The following TRDN variants were observed in gnomAD, a reference collection of about 807,000 sequenced individuals.
The protein encoded by TRDN is triadin in skeletal muscle.
A neutral mutation model predicts 149.7 loss-of-function variants in TRDN; 161 were observed. The observed-to-expected ratio is 1.08, with a 90% CI of 0.95 to 1.23. The LOEUF is 1.23. Among genes scored for constraint, TRDN ranks in the 50% most tolerant of loss-of-function variants. TRDN has a pLI of 0.00. For missense variants in TRDN, 896 were observed against 823.5 expected (o/e 1.09, Z -1.08); for synonymous variants, 294 against 250.5 (o/e 1.17, Z -1.64).
At position 123,557,351 on chromosome 6, in the gene TRDN, C is replaced by A. The variant is rs183962115; in HGVS notation, c.233-8739G>T. On this transcript the variant is annotated intron_variant, in intron 2 of 40. Transcript: ENST00000334268. ...TCTTTGCTCTGTGACAAAGATCCACCTGCAACCTCTGGTCCTCAGACTAAC... is the reference window on the plus strand; with the variant it reads ...TCTTTGCTCTGTGACAAAGATCCACATGCAACCTCTGGTCCTCAGACTAAC... 1.7e-4 allele frequency among the ~76,000 whole-genome samples: 26 copies of A among 152,230 alleles called. No homozygotes were observed. In the East Asian group the frequency reaches 4.8e-3, roughly 28 times the overall value.
intron 12 of TRDN, among the ~76,000 whole-genome samples, chr6:123,436,870 A>T (rs1418343153): frequency 2.0e-5 from 3 of 152,134 alleles, no homozygotes; most frequent in Non-Finnish European, 4.4e-5. Flanking sequence ...GCCCTAGAAG[A>T]TCTGCATTTT....
At chr6:123,577,327 T>G (rs1217695021) in intron 1 of TRDN, among the ~76,000 whole-genome samples, 2 of 152,098 alleles carry the variant, frequency 1.3e-5, no homozygotes, top group African/African-American at 4.8e-5. Flanking sequence ...GGCCCCAGTG[T>G]CTGTTGTTCC....
chr6:123,608,892 G>C (rs1171843313), intron 1 of TRDN, among the ~76,000 whole-genome samples: 1 of 152,016 alleles, frequency 6.6e-6, no homozygotes, highest in Non-Finnish European at 1.5e-5. Context: ...ATGGAAGCAG[G>C]CTGGGCTCGG....
chr6:123,269,915 T>C (rs1777150085), intron 30 of TRDN, 49 bp from the exon 31 acceptor site: 4 of 1,569,292 alleles, frequency 2.5e-6, no homozygotes, highest in East Asian at 4.6e-5. Context: ...GTACAAACCA[T>C]GGAAAAAATA....
Position 123,587,219 on chromosome 6 carries a change from C to T in TRDN, c.23-16087G>A, listed in dbSNP as rs112312514. ...CTGCGTGGTCTGACACCTCTGAAACCTGGACGAATAATCAGAGAGGTGTCC... is the reference window on the plus strand; with the variant it reads ...CTGCGTGGTCTGACACCTCTGAAACTTGGACGAATAATCAGAGAGGTGTCC... On this transcript the variant is annotated intron_variant, in intron 1 of 40. Coordinates refer to ENST00000334268, the MANE Select transcript of TRDN (RefSeq NM_006073.4). Among the ~76,000 whole-genome samples, 673 of 152,268 alleles carry T rather than the reference C, an allele frequency of 4.4e-3. 2 individuals are homozygous for T. Among genetic ancestry groups the T allele is most frequent in the African/African-American group, 0.015 (604 of 41,566 alleles).
intron 13 of TRDN, among the ~76,000 whole-genome samples, chr6:123,390,259 A>C (rs1011199424): frequency 6.6e-6 from 1 of 152,166 alleles, no homozygotes; most frequent in Non-Finnish European, 1.5e-5. Context: ...GTTTCTTACA[A>C]ATTCTACAGA....
chr6:123,227,481 G>A lies in TRDN; in HGVS notation c.1976-3350C>T, dbSNP rs577196380. Among the ~76,000 whole-genome samples, 28 of 151,982 alleles carry A rather than the reference G, an allele frequency of 1.8e-4. No homozygotes were observed. The South Asian group carries it at 5.4e-3, about 29-fold the overall frequency. On this transcript the variant is annotated intron_variant, in intron 38 of 40. Coordinates refer to ENST00000334268, the MANE Select transcript of TRDN (RefSeq NM_006073.4). ...TGGGTTGAACTGTGGTGCTAGGCCA[G>A]TCATGCAGTTGCAAATGCTTAGTAG...
chr6:123,290,078 T>C (rs1777949091), intron 24 of TRDN, among the ~76,000 whole-genome samples: 1 of 152,144 alleles, frequency 6.6e-6, no homozygotes, highest in Admixed American at 6.5e-5. Flanking sequence ...TGAACATTTT[T>C]CTTTAGTGTC....
chr6:123,581,999 A>G (rs1161665588), intron 1 of TRDN, among the ~76,000 whole-genome samples: 1 of 152,240 alleles, frequency 6.6e-6, no homozygotes, highest in East Asian at 1.9e-4. Flanking sequence ...TGAGCCAAAT[A>G]TAAGTGACCA....
intron 7 of TRDN, among the ~76,000 whole-genome samples, chr6:123,504,899 C>T (rs1212785379): frequency 2.6e-5 from 4 of 152,110 alleles, no homozygotes; most frequent in African/African-American, 9.7e-5. Context: ...TGTTGGAATC[C>T]TCTATGTCAT....
chr6:123,502,334 TA>T (rs1325349202), intron 8 of TRDN: 1 of 807,754 alleles, frequency 1.2e-6, no homozygotes, highest in Non-Finnish European at 1.5e-6. Flanking sequence ...AATTAACTTT[TA>T]AATTTTTTTC....
chr6:123,485,269 T>G, intron 9 of TRDN, among the ~76,000 whole-genome samples: 1 of 152,178 alleles, frequency 6.6e-6, no homozygotes, highest in Non-Finnish European at 1.5e-5. Flanking sequence ...CTTCTGTCTC[T>G]AGAGATATAA....
chr6:123,432,154 G>A (rs533621960), intron 12 of TRDN, among the ~76,000 whole-genome samples: 10 of 152,238 alleles, frequency 6.6e-5, no homozygotes, highest in Non-Finnish European at 1.3e-4. Context: ...ATGGGGTATT[G>A]TAAATGAATG....
intron 8 of TRDN, chr6:123,502,641 T>G (rs1583156114): frequency 1.0e-6 from 1 of 984,812 alleles, no homozygotes; most frequent in South Asian, 4.7e-5. Context: ...TTGTGCCTTA[T>G]GAGGAAAAAT....
chr6:123,269,790 T>C (rs1777143368), intron 31 of TRDN, 59 bp downstream of exon 31: 1 of 1,568,434 alleles, frequency 6.4e-7, no homozygotes, highest in Admixed American at 1.8e-5. Flanking sequence ...CTAAGCAAAA[T>C]TGTTAAAGCT....
intron 38 of TRDN, among the ~76,000 whole-genome samples, chr6:123,225,386 A>G (rs891803800): frequency 6.6e-6 from 1 of 151,748 alleles, no homozygotes; most frequent in African/African-American, 2.4e-5. Context: ...CATCCTCAAC[A>G]TATTTAAGAA....
chr6:123,466,655 C>T (rs1776836521), intron 9 of TRDN, among the ~76,000 whole-genome samples: 1 of 151,844 alleles, frequency 6.6e-6, no homozygotes, highest in South Asian at 2.1e-4. Context: ...ATCTATTCCC[C>T]AACCTTGTTT....
At chr6:123,305,800 C>T (rs2114679171) in intron 24 of TRDN, among the ~76,000 whole-genome samples, 1 of 152,236 alleles carries the variant, frequency 6.6e-6, no homozygotes, top group Non-Finnish European at 1.5e-5. Context: ...TAAGAAATCC[C>T]TTTTATCTGT....
At chr6:123,396,327 A>G (rs1052690667) in intron 12 of TRDN, among the ~76,000 whole-genome samples, 52 of 152,308 alleles carry the variant, frequency 3.4e-4, no homozygotes, top group Middle Eastern at 6.8e-3. Context: ...TCCAACACCT[A>G]CTACAGTATT....
Sources: gnomAD v4.1 joint callset for allele counts (sites outside exome capture counted in the v4.1 genomes callset) on GRCh38, gnomAD v4.1.1 for gene constraint, MANE v1.5 for transcripts, NCBI Gene and HGNC (gene_info 2026-07-23, HGNC 2026-07-21) for gene names.